Variants in EHD4 observed in about 807,000 individuals in gnomAD.
EHD4 encodes the protein EH domain-containing protein 4.
Under a neutral mutation model 51.0 loss-of-function variants are expected in EHD4, and 37 were observed. The observed-to-expected ratio is 0.73, with a 90% CI of 0.56 to 0.95. The LOEUF is 0.95. EHD4 is among the 40% of genes least tolerant of loss of function. The pLI is 0.00. For synonymous variants in EHD4, 297 were observed against 317.3 expected (o/e 0.94, Z 0.68); for missense variants, 632 against 733.1 (o/e 0.86, Z 1.59).
At chr15:41,919,177 C>T in intron 4 of EHD4, 33 bp downstream of exon 4, 1 of 1,611,958 alleles carries the variant, frequency 6.2e-7, no homozygotes, top group South Asian at 1.1e-5. Context: ...AGTCCCAGCC[C>T]CTGGCCTCTG....
intron 5 of EHD4, among the ~76,000 whole-genome samples, chr15:41,903,142 T>A (rs779961898): frequency 1.3e-5 from 2 of 151,918 alleles, no homozygotes; most frequent in African/African-American, 2.4e-5. Flanking sequence ...ATATGTGAAG[T>A]ATTTCTGTAT....
At chr15:41,959,817 A>C (rs2067913164) in intron 1 of EHD4, among the ~76,000 whole-genome samples, 1 of 151,954 alleles carries the variant, frequency 6.6e-6, no homozygotes, top group South Asian at 2.1e-4. Flanking sequence ...TAAAAGCACA[A>C]AAATTAGCCG....
chr15:41,955,691 G>A (rs1231093252), intron 1 of EHD4, among the ~76,000 whole-genome samples: 1 of 152,142 alleles, frequency 6.6e-6, no homozygotes, highest in Non-Finnish European at 1.5e-5. Flanking sequence ...TGTTCGTGTT[G>A]ATCAATTCTT....
chr15:41,943,200 GGGCATCACA>G, intron 2 of EHD4, 36 bp from the exon 3 acceptor site: 1 of 1,523,204 alleles, frequency 6.6e-7, no homozygotes, highest in Non-Finnish European at 8.9e-7. Context: ...GTCAGAAACT[GGGCATCACA>G]GAGTGCTCCA....
chr15:41,924,824 A>G (rs1280756566), intron 3 of EHD4, among the ~76,000 whole-genome samples: 1 of 152,186 alleles, frequency 6.6e-6, no homozygotes, highest in African/African-American at 2.4e-5. Context: ...TGGGAGGTCA[A>G]GGCAGGTGGA....
intron 1 of EHD4, among the ~76,000 whole-genome samples, chr15:41,958,724 T>C (rs975300616): frequency 6.6e-6 from 1 of 152,204 alleles, no homozygotes; most frequent in African/African-American, 2.4e-5. Context: ...GGGCAAAGCA[T>C]TACACTTTAA....
At chr15:41,925,496 T>C (rs368090333) in intron 3 of EHD4, among the ~76,000 whole-genome samples, 2 of 152,314 alleles carry the variant, frequency 1.3e-5, no homozygotes, top group African/African-American at 4.8e-5. Flanking sequence ...TTGCATGTAC[T>C]AGTGTGTGTT....
At chr15:41,951,464 A>G (rs142850219) in intron 2 of EHD4, among the ~76,000 whole-genome samples, 67 of 152,152 alleles carry the variant, frequency 4.4e-4, no homozygotes, top group African/African-American at 1.6e-3. Flanking sequence ...ATTTGAGAAG[A>G]AAAAAACATT....
rs2067453758 is a variant in EHD4, at chr15:41,898,396, G to GT, written c.*2248dup. 1 of 152,228 alleles carries GT rather than the reference G, an allele frequency of 6.6e-6. No individual in the cohort carries two copies. The highest frequency in any genetic ancestry group is 2.4e-5 in the African/African-American group (1 of 41,452). The allele number at this position is 152,228 out of a possible 1,614,324, so 9.4% of individuals were successfully genotyped here. Reference sequence around the variant, plus strand: ...GTGACACACATGTATATAAATTCATGTTTATATATGACAATTGAGGAGAGT... The same window carrying GT: ...GTGACACACATGTATATAAATTCATGTTTTATATATGACAATTGAGGAGAGT... On this transcript the variant is annotated 3_prime_UTR_variant, in exon 6 of 6. Transcript: ENST00000220325.
intron 2 of EHD4, among the ~76,000 whole-genome samples, chr15:41,952,706 T>C (rs2067860207): frequency 6.6e-6 from 1 of 152,118 alleles, no homozygotes; most frequent in South Asian, 2.1e-4. Flanking sequence ...AGTGACCACG[T>C]AGGCTGGGTG....
chr15:41,952,498 A>AGGAG (rs1246170276), intron 2 of EHD4, among the ~76,000 whole-genome samples: 1 of 152,148 alleles, frequency 6.6e-6, no homozygotes, highest in African/African-American at 2.4e-5. Context: ...TAGGAGGTGC[A>AGGAG]GGAGGGAGGA....
intron 5 of EHD4, among the ~76,000 whole-genome samples, chr15:41,909,474 T>G (rs966723568): frequency 6.6e-6 from 1 of 152,260 alleles, no homozygotes; most frequent in African/African-American, 2.4e-5. Context: ...GACTTTCTCA[T>G]GGGAGCTTCA....
chr15:41,925,767 C>A (rs1453217876), intron 3 of EHD4, among the ~76,000 whole-genome samples: 1 of 152,170 alleles, frequency 6.6e-6, no homozygotes, highest in Non-Finnish European at 1.5e-5. Context: ...GATTGGCATT[C>A]CTGGCTCCAT....
At chr15:41,924,424 G>C (rs1312177395) in intron 3 of EHD4, among the ~76,000 whole-genome samples, 1 of 152,158 alleles carries the variant, frequency 6.6e-6, no homozygotes, top group Non-Finnish European at 1.5e-5. Flanking sequence ...CAGTGTCTTG[G>C]GGCTACCCTA....
intron 3 of EHD4, chr15:41,921,473 C>T (rs6493012): frequency 0.26 from 39,005 of 152,046 alleles, 6,125 homozygotes; most frequent in African/African-American, 0.45. Context: ...AGTGCTACTG[C>T]CATTTGAGAC....
At chr15:41,915,152 G>C (rs2067575717) in intron 4 of EHD4, among the ~76,000 whole-genome samples, 1 of 152,076 alleles carries the variant, frequency 6.6e-6, no homozygotes, top group Admixed American at 6.6e-5. Context: ...GTGTAAGTGT[G>C]AACTACATAT....
At chr15:41,958,158 T>C (rs537570825) in intron 1 of EHD4, among the ~76,000 whole-genome samples, 11 of 152,092 alleles carry the variant, frequency 7.2e-5, no homozygotes, top group Admixed American at 5.2e-4. Context: ...CAGAGCTGAT[T>C]AGCCCCTCCA....
At chr15:41,904,243 G>A (rs945772194) in intron 5 of EHD4, among the ~76,000 whole-genome samples, 1 of 152,214 alleles carries the variant, frequency 6.6e-6, no homozygotes, top group Non-Finnish European at 1.5e-5. Context: ...CGACTGCAGA[G>A]CTCTGGAAAA....
At chr15:41,972,121 G>A in intron 1 of EHD4, 138 bp downstream of exon 1, 1 of 844,862 alleles carries the variant, frequency 1.2e-6, no homozygotes, top group Non-Finnish European at 1.5e-6. Flanking sequence ...GGGGCCGAGG[G>A]CACCGGGCGC....
Sources: gnomAD v4.1 joint callset for allele counts (sites outside exome capture counted in the v4.1 genomes callset) on GRCh38, gnomAD v4.1.1 for gene constraint, MANE v1.5 for transcripts, NCBI Gene and HGNC (gene_info 2026-07-23, HGNC 2026-07-21) for gene names.